PAM16: variants seen among roughly 807,000 people sequenced by gnomAD.
The protein encoded by PAM16 is mitochondrial import inner membrane translocase subunit TIM16.
In PAM16, 11 loss-of-function variants were observed where a neutral mutation model predicts 17.9. The ratio of observed to expected loss-of-function variants is 0.62; its 90% confidence interval spans 0.39 to 1.02. The LOEUF is 1.02. PAM16 is among the 50% of genes least tolerant of loss of function. The pLI, the probability that PAM16 is intolerant of heterozygous loss-of-function variation, is 0.01. For synonymous variants in PAM16, 72 were observed against 67.4 expected (o/e 1.07, Z -0.34); for missense variants, 199 against 165.4 (o/e 1.20, Z -1.11).
Position 4,351,229 on chromosome 16 carries a change from C to T in PAM16, c.3+3G>A, listed in dbSNP as rs757973630. 2.1e-6 allele frequency: 3 copies of T among 1,455,782 alleles called. No homozygotes were observed. Among genetic ancestry groups the T allele is most frequent in the African/African-American group, 1.4e-5 (1 of 69,452 alleles). The allele number at this position is 1,455,782 out of a possible 1,614,324, so 90.2% of individuals were successfully genotyped here. A position where few individuals can be genotyped will look rare whatever the true frequency, so the allele number is the denominator to read the frequency against. ...CCCCGGTAGCGCCCGACTCGGGGCT[C>T]ACCATGGCAGCCGCTCTGCCTCCGG... On this transcript the variant is annotated splice_donor_region_variant and intron_variant, in intron 1 of 4. Transcript: ENST00000318059.
At chr16:4,341,670 A>G (rs1244104521) in intron 2 of PAM16, 166 bp from the exon 3 acceptor site, 6 of 1,194,220 alleles carry the variant, frequency 5.0e-6, no homozygotes, top group Non-Finnish European at 3.4e-6. Flanking sequence ...TAGGGGGTAG[A>G]GGCTGGGAAA....
chr16:4,343,467 T>C (rs571417316), intron 1 of PAM16, 176 bp from the exon 2 acceptor site: 1 of 1,432,342 alleles, frequency 7.0e-7, no homozygotes, highest in Non-Finnish European at 9.1e-7. Flanking sequence ...CCATGGTGGG[T>C]GGCTTAGTTA....
chr16:4,350,373 C>T (rs2053831106), intron 1 of PAM16, among the ~76,000 whole-genome samples: 1 of 149,418 alleles, frequency 6.7e-6, no homozygotes, highest in Non-Finnish European at 1.5e-5. Flanking sequence ...ATGTAGTATA[C>T]ATAAATGTAT....
At chr16:4,345,130 C>G (rs140993210) in intron 1 of PAM16, among the ~76,000 whole-genome samples, 2,111 of 152,092 alleles carry the variant, frequency 0.014, 21 homozygotes, top group Non-Finnish European at 0.022. Context: ...AAGCCGTAGA[C>G]GCAGGGGGGT....
intron 1 of PAM16, chr16:4,347,215 G>A (rs1305114824): frequency 6.6e-6 from 1 of 152,186 alleles, no homozygotes; most frequent in East Asian, 1.9e-4. Flanking sequence ...GGGCCATTAG[G>A]GGAATGAACA....
At chr16:4,341,320 C>G (rs374434190) in intron 3 of PAM16, 48 bp downstream of exon 3, 1 of 1,540,096 alleles carries the variant, frequency 6.5e-7, no homozygotes, top group Non-Finnish European at 8.8e-7. Context: ...CTCTTCCCAC[C>G]CTGGCAGCCT....
Position 4,340,362 on chromosome 16 carries a change from T to G in PAM16, c.335A>C (p.Gln112Pro), listed in dbSNP as rs1164763449. 1 of 1,612,986 alleles carries G rather than the reference T, an allele frequency of 6.2e-7. No homozygotes were observed. The highest frequency in any genetic ancestry group is 1.7e-5 in the Admixed American group (1 of 60,020). Reference sequence around the variant, plus strand: ...CCCTTTTTCTCTGTCCTCCTGGGCCTGGATTTTGAGTTCCTCATCCAGGCG... The same window carrying G: ...CCCTTTTTCTCTGTCCTCCTGGGCCGGGATTTTGAGTTCCTCATCCAGGCG... ...KERLDEELKI[Q>P]AQEDREKGQM... The change falls in exon 5 of 5, where the codon CAG (glutamine) becomes CCG (proline). Residue 112 changes from glutamine to proline, a missense_variant. Transcript: ENST00000318059.
intron 1 of PAM16, chr16:4,345,437 G>C (rs1412154587): frequency 6.6e-6 from 1 of 152,114 alleles, no homozygotes; most frequent in African/African-American, 2.4e-5. Flanking sequence ...AGGGTCCCGG[G>C]GTCTGAAGGT....
intron 2 of PAM16, 33 bp downstream of exon 2, chr16:4,343,174 C>A (rs571940809): frequency 6.8e-6 from 11 of 1,612,250 alleles, no homozygotes; most frequent in Non-Finnish European, 8.5e-6. Flanking sequence ...GAGAGGAACT[C>A]CCAGCCCACA....
chr16:4,342,911 T>C (rs1020968673), intron 2 of PAM16, among the ~76,000 whole-genome samples: 40 of 152,170 alleles, frequency 2.6e-4, no homozygotes, highest in African/African-American at 7.2e-4. Context: ...TGAGCCAAGA[T>C]TGCCCCACTG....
chr16:4,340,555 C>T (rs2141139979), intron 4 of PAM16, 150 bp from the exon 5 acceptor site: 3 of 867,140 alleles, frequency 3.5e-6, no homozygotes, highest in Non-Finnish European at 1.7e-6. Flanking sequence ...ACCCCAGGGT[C>T]GGGGTGGCCT....
intron 1 of PAM16, 75 bp downstream of exon 1, chr16:4,351,157 G>A: frequency 2.2e-6 from 2 of 889,588 alleles, no homozygotes; most frequent in Non-Finnish European, 1.5e-6. Flanking sequence ...GCCCAGCCCG[G>A]AGCTCGCCGC....
chr16:4,343,374 C>T, intron 1 of PAM16, 83 bp from the exon 2 acceptor site: 2 of 1,528,504 alleles, frequency 1.3e-6, no homozygotes, highest in Non-Finnish European at 1.8e-6. Flanking sequence ...TGCCGAGGGG[C>T]AAGGCTCCCG....
In PAM16 at chr16:4,344,175, G is replaced by A. The variant is rs1283060050; in HGVS notation, c.4-884C>T. On this transcript the variant is annotated intron_variant, in intron 1 of 4. Coordinates refer to ENST00000318059, the MANE Select transcript of PAM16 (RefSeq NM_016069.11). ...CGAGGGAAAACTCAAGACTGAGATG[G>A]GATTCGGTGAGAGGAGGGGGTTCTG... 3 of 388,046 alleles carry A rather than the reference G, an allele frequency of 7.7e-6. No individual in the cohort carries two copies. In the East Asian group the frequency reaches 1.1e-4, roughly 14 times the overall value. 24.0% of individuals were successfully genotyped at this position (388,046 alleles called of 1,614,324 possible). A position where few individuals can be genotyped will look rare whatever the true frequency, so the allele number is the denominator to read the frequency against.
chr16:4,340,924 G>A lies in PAM16; in HGVS notation c.287C>T (p.Ser96Leu), dbSNP rs1220427254. ...CCAGAATCAAAGACCACTCACCTTTGACTGCAGGTAGAAGGAGCCACCCAC... is the reference window on the plus strand; with the variant it reads ...CCAGAATCAAAGACCACTCACCTTTAACTGCAGGTAGAAGGAGCCACCCAC... ...KSVGGSFYLQ[S>L]KVVRAKERLD... Residue 96 changes from serine to leucine, a missense_variant, in exon 4 of 5, where the codon TCA becomes TTA. Physicochemically the swap from Ser to Leu is moderately radical, Grantham distance 145. Transcript: ENST00000318059. 1.9e-6 allele frequency: 3 copies of A among 1,613,456 alleles called. No individual in the cohort carries two copies. The African/African-American group carries it at 4.0e-5, about 22-fold the overall frequency.
chr16:4,340,293 C>CGGG lies in PAM16; in HGVS notation c.*23_*25dup. Reference sequence around the variant, plus strand: ...TTACCAAGCTATAAATTAGAGGCGGCGGGGTGGGCGGGGGGAGCCGAGCAG... The same window carrying CGGG: ...TTACCAAGCTATAAATTAGAGGCGGCGGGGGGGTGGGCGGGGGGAGCCGAGCAG... On this transcript the variant is annotated 3_prime_UTR_variant, in exon 5 of 5. Transcript: ENST00000318059. 5.6e-6 allele frequency: 7 copies of CGGG among 1,240,100 alleles called. No homozygotes were observed. Among genetic ancestry groups the CGGG allele is most frequent in the South Asian group, 3.2e-5 (2 of 62,672 alleles). 76.8% of individuals were successfully genotyped at this position (1,240,100 alleles called of 1,614,324 possible).
intron 3 of PAM16, 145 bp downstream of exon 3, chr16:4,341,223 G>C (rs923844389): frequency 7.3e-6 from 10 of 1,376,786 alleles, no homozygotes; most frequent in Non-Finnish European, 9.8e-6. Context: ...AAAACTTCAC[G>C]AGCAACAGTG....
intron 1 of PAM16, chr16:4,347,833 A>G (rs2053781403): frequency 6.6e-6 from 1 of 152,222 alleles, no homozygotes; most frequent in South Asian, 2.1e-4. Context: ...CGGCTGTCAG[A>G]GAGCAGCAGT....
chr16:4,342,708 T>C (rs2053667846), intron 2 of PAM16, among the ~76,000 whole-genome samples: 1 of 151,808 alleles, frequency 6.6e-6, no homozygotes. Flanking sequence ...GGCTCACACC[T>C]GTAATCCCAG....
Sources: gnomAD v4.1 joint callset for allele counts (sites outside exome capture counted in the v4.1 genomes callset) on GRCh38, gnomAD v4.1.1 for gene constraint, MANE v1.5 for transcripts, NCBI Gene and HGNC (gene_info 2026-07-23, HGNC 2026-07-21) for gene names.